The following LBR variants were observed in gnomAD, a reference collection of about 807,000 sequenced individuals.
LBR encodes the protein lamin B receptor.
LBR carries 28 observed loss-of-function variants against 74.3 expected under a neutral mutation model. The ratio of observed to expected loss-of-function variants is 0.38; its 90% CI spans 0.28 to 0.52. The LOEUF (loss-of-function observed/expected upper bound fraction) is 0.52. Among genes scored for constraint, LBR ranks in the 20% least tolerant of loss-of-function variants. The pLI is 0.89. For missense variants in LBR, 717 were observed against 760.3 expected (o/e 0.94, Z 0.67); for synonymous variants, 228 against 269.3 (o/e 0.85, Z 1.50).
Position 225,423,921 on chromosome 1 carries a change from T to C in LBR, c.155A>G (p.Asn52Ser). 6.2e-7 allele frequency: 1 copy of C among 1,613,376 alleles called. No individual in the cohort carries two copies. The highest frequency in any genetic ancestry group is 1.7e-5 in the Admixed American group (1 of 60,028). Reference sequence around the variant, plus strand: ...CAAAGGAGCTCTTACCTTAATATCATTCTCTTTCAATTCAAGCTCTGTTCC... The same window carrying C: ...CAAAGGAGCTCTTACCTTAATATCACTCTCTTTCAATTCAAGCTCTGTTCC... ...KDGTELELKENDIKPLTSFRQ... is the reference protein window; with the variant it reads ...KDGTELELKESDIKPLTSFRQ... Residue 52 changes from asparagine (N) to serine (S), a missense_variant, in exon 2 of 14, where the codon AAT becomes AGT. By Grantham distance (46) the Asn-to-Ser change is conservative (BLOSUM62 1). Coordinates refer to ENST00000272163, the MANE Select transcript of LBR (RefSeq NM_002296.4).
At chr1:225,414,923 A>T (rs1186789903) in intron 7 of LBR, among the ~76,000 whole-genome samples, 1 of 152,240 alleles carries the variant, frequency 6.6e-6, no homozygotes, top group Non-Finnish European at 1.5e-5. Flanking sequence ...TCAAGGGACA[A>T]CCCAGAGGAC....
intron 1 of LBR, among the ~76,000 whole-genome samples, chr1:225,426,068 G>T (rs1200702636): frequency 6.6e-6 from 1 of 152,160 alleles, no homozygotes. Flanking sequence ...TACCTGTTAG[G>T]TCTCTAAAGC....
chr1:225,407,440 G>A (rs1292931599), intron 10 of LBR, among the ~76,000 whole-genome samples: 1 of 152,170 alleles, frequency 6.6e-6, no homozygotes, highest in Non-Finnish European at 1.5e-5. Flanking sequence ...CATTTCATGT[G>A]CATTTTCCAC....
rs1284534295 is a variant in LBR at position 225,427,982 on chromosome 1, CG to C, written c.-44del. 1 of 152,158 alleles carries C rather than the reference CG, an allele frequency of 6.6e-6. No homozygotes were observed. The highest frequency in any genetic ancestry group is 1.9e-4 in the East Asian group (1 of 5,186). 9.4% of individuals were successfully genotyped at this position (152,158 alleles called of 1,614,324 possible). ...CGCCAGGTTCCGGCGGTGACACGGA[CG>C]GCTCCCGGAGAATAGTCGCACAGCA... is the stretch of plus-strand genomic sequence containing the variant. On this transcript the variant is annotated 5_prime_UTR_variant, in exon 1 of 14. Transcript: ENST00000272163.
At chr1:225,423,453 C>T (rs571366718) in intron 2 of LBR, among the ~76,000 whole-genome samples, 167 of 152,240 alleles carry the variant, frequency 1.1e-3, no homozygotes, top group Non-Finnish European at 2.0e-3. Context: ...CCTACCACCC[C>T]CTTCCAGCAC....
chr1:225,401,545 T>G lies in LBR; in HGVS notation c.*1758A>C, dbSNP rs1325004782. On this transcript the variant is annotated 3_prime_UTR_variant, in exon 14 of 14. Coordinates refer to ENST00000272163, the MANE Select transcript of LBR (RefSeq NM_002296.4). ...ATTTTATTTTCAACTTAAAACTTCA[T>G]TATAAAATTTGCCAAATAAACATGT... is the stretch of plus-strand genomic sequence containing the variant. The G allele has an allele frequency of 1.3e-5, 2 of 151,874 alleles. No homozygotes were observed. The highest frequency in any genetic ancestry group is 2.9e-5 in the Non-Finnish European group (2 of 67,984). The allele number at this position is 151,874 out of a possible 1,614,324, so 9.4% of individuals were successfully genotyped here.
chr1:225,420,350 C>T (rs1337985786), intron 3 of LBR, among the ~76,000 whole-genome samples: 1 of 150,392 alleles, frequency 6.6e-6, no homozygotes, highest in Admixed American at 6.6e-5. Context: ...CGTAATCAGA[C>T]TGAATGTCAT....
chr1:225,411,046 T>C (rs2096104198), intron 9 of LBR, among the ~76,000 whole-genome samples: 1 of 152,178 alleles, frequency 6.6e-6, no homozygotes. Context: ...AGGAGGAAAA[T>C]GCATTTTTTC....
chr1:225,414,487 T>C (rs1389316974), intron 7 of LBR, among the ~76,000 whole-genome samples: 1 of 152,236 alleles, frequency 6.6e-6, no homozygotes, highest in Non-Finnish European at 1.5e-5. Flanking sequence ...GCCAAAGTCT[T>C]CAAATGACAA....
chr1:225,418,090 G>A lies in LBR; in HGVS notation c.731C>T (p.Pro244Leu), dbSNP rs1237899420. 2.5e-6 allele frequency: 4 copies of A among 1,614,034 alleles called. No homozygotes were observed. The South Asian group carries it at 3.3e-5, about 13-fold the overall frequency. The change falls in exon 6 of 14, where the codon CCT becomes CTT. Residue 244 changes from proline to leucine, a missense_variant. By Grantham distance (98) the Pro-to-Leu change is moderately conservative. Coordinates refer to ENST00000272163, the MANE Select transcript of LBR (RefSeq NM_002296.4). ...KQKDPSLLNF[P>L]PPLPALYELW... ...CTCATACAAAGCTGGCAAAGGAGGA[G>A]GGAAATTCAGAAGACTGGGATCTTT...
At position 225,422,116 on chromosome 1, in the gene LBR, T is replaced by A; in HGVS notation, c.327A>T (p.Ala109=). The change falls in exon 3 of 14, where the codon GCA becomes GCT. Residue 109 remains alanine, a synonymous_variant. Transcript: ENST00000272163. The part of the protein sequence containing the change: ...SASHQADIKE[A]RREVEVKLTP... The stretch of plus-strand genomic sequence containing the variant: ...TCAATTTAACTTCCACTTCCCTCCT[T>A]GCTTCCTTAATGTCGGCCTGGTGGG... 6.2e-7 allele frequency: 1 copy of A among 1,614,152 alleles called. No individual in the cohort carries two copies. Among genetic ancestry groups the A allele is most frequent in the Non-Finnish European group, 8.5e-7 (1 of 1,180,030 alleles).
intron 5 of LBR, among the ~76,000 whole-genome samples, chr1:225,418,763 C>T (rs2096122119): frequency 1.3e-5 from 2 of 152,164 alleles, no homozygotes; most frequent in African/African-American, 4.8e-5. Flanking sequence ...TCATCAGTTC[C>T]ACCCACTTAG....
At chr1:225,415,672 C>G (rs964758486) in intron 6 of LBR, among the ~76,000 whole-genome samples, 1 of 152,086 alleles carries the variant, frequency 6.6e-6, no homozygotes, top group Non-Finnish European at 1.5e-5. Context: ...CTAGTGGATC[C>G]CTAGCTCAAA....
At position 225,403,323 on chromosome 1, in the gene LBR, T is replaced by C. The variant is rs886046051; in HGVS notation, c.1828A>G (p.Ile610Val). The part of the protein sequence containing the change: ...EKYCQRVPYR[I>V]FPYIY ...GAGCATTAGTAGATGTATGGAAATATACGGTAGGGCACACGCTGACAGTAC... is the reference window on the plus strand; with the variant it reads ...GAGCATTAGTAGATGTATGGAAATACACGGTAGGGCACACGCTGACAGTAC... The change falls in exon 14 of 14, where the codon ATA becomes GTA. Residue 610 changes from isoleucine to valine, a missense_variant. Physicochemically the swap from Ile to Val is conservative, Grantham distance 29. Transcript: ENST00000272163. The C allele has an allele frequency of 6.2e-7, 1 of 1,613,846 alleles. No individual in the cohort carries two copies. Among genetic ancestry groups the C allele is most frequent in the Admixed American group, 1.7e-5 (1 of 59,954 alleles).
At chr1:225,410,931 C>T (rs556069117) in intron 9 of LBR, among the ~76,000 whole-genome samples, 3 of 152,266 alleles carry the variant, frequency 2.0e-5, no homozygotes, top group African/African-American at 4.8e-5. Flanking sequence ...CACTACACTA[C>T]GGTTTCCTCC....
At chr1:225,414,905 A>G (rs1473733368) in intron 7 of LBR, among the ~76,000 whole-genome samples, 2 of 152,358 alleles carry the variant, frequency 1.3e-5, no homozygotes, top group East Asian at 3.9e-4. Context: ...AGTGTGTGTG[A>G]CGAATATTCA....
intron 10 of LBR, among the ~76,000 whole-genome samples, chr1:225,409,606 T>C (rs765815645): frequency 1.3e-5 from 2 of 152,184 alleles, no homozygotes; most frequent in Non-Finnish European, 2.9e-5. Context: ...GAAAGAAAAC[T>C]AGAGTTGGAA....
chr1:225,403,389 C>T lies in LBR; in HGVS notation c.1762G>A (p.Glu588Lys), dbSNP rs138067182. ...MLLVHREARDEYHCKKKYGVA... is the reference protein window; with the variant it reads ...MLLVHREARDKYHCKKKYGVA... Reference sequence around the variant, plus strand: ...CCGTATTTCTTCTTACAGTGGTACTCGTCACGAGCTTCTCGGTGGACAAGC... The same window carrying T: ...CCGTATTTCTTCTTACAGTGGTACTTGTCACGAGCTTCTCGGTGGACAAGC... The change falls in exon 14 of 14, where the codon GAG becomes AAG. Residue 588 changes from glutamate (E) to lysine (K), a missense_variant. By Grantham distance (56) the Glu-to-Lys change is moderately conservative. Coordinates refer to ENST00000272163, the MANE Select transcript of LBR (RefSeq NM_002296.4). The T allele has an allele frequency of 1.2e-5, 20 of 1,612,872 alleles. No homozygotes were observed. Among genetic ancestry groups the T allele is most frequent in the African/African-American group, 4.0e-5 (3 of 74,602 alleles).
rs139059920 is a variant in LBR, at chr1:225,410,327, G to C, written c.1278C>G (p.Phe426Leu). 6 of 1,614,046 alleles carry C rather than the reference G, an allele frequency of 3.7e-6. No homozygotes were observed. In the African/African-American group the frequency reaches 6.7e-5, roughly 18 times the overall value. ...GAGCATCCACCACATAGAGAAGCTG[G>C]AAACTATTAACTAAAATCATGGCCA... Reference protein sequence around the residue: ...PSLAMILVNSFQLLYVVDALW... With the variant: ...PSLAMILVNSLQLLYVVDALW... The change falls in exon 10 of 14, where the codon TTC becomes TTG. Residue 426 changes from phenylalanine to leucine, a missense_variant. Physicochemically the swap from Phe to Leu is conservative, Grantham distance 22. Transcript: ENST00000272163.
Sources: gnomAD v4.1 joint callset for allele counts (sites outside exome capture counted in the v4.1 genomes callset) on GRCh38, gnomAD v4.1.1 for gene constraint, MANE v1.5 for transcripts, NCBI Gene and HGNC (gene_info 2026-07-23, HGNC 2026-07-21) for gene names.